The following PDE4D variants were observed in gnomAD, a reference collection of about 807,000 sequenced individuals.
PDE4D encodes the protein 3',5'-cyclic-AMP phosphodiesterase 4D.
Under a neutral mutation model 87.4 loss-of-function variants are expected in PDE4D, and 24 were observed. The ratio of observed to expected loss-of-function variants is 0.27; its 90% CI spans 0.20 to 0.39. The LOEUF (loss-of-function observed/expected upper bound fraction) is 0.39, where lower values mean the gene tolerates loss of function less well. Among genes scored for constraint, PDE4D ranks in the 10% least tolerant of loss-of-function variants. The pLI, the probability that PDE4D is intolerant of heterozygous loss-of-function variation, is 1.00. For missense variants in PDE4D, 714 were observed against 1,041.0 expected (o/e 0.69, Z 4.32); for synonymous variants, 384 against 383.2 (o/e 1.00, Z -0.02).
At chr5:59,336,805 A>T (rs1406016267) in intron 1 of PDE4D, among the ~76,000 whole-genome samples, 6 of 152,196 alleles carry the variant, frequency 3.9e-5, no homozygotes, top group African/African-American at 1.2e-4. Context: ...ATCTTCCAAG[A>T]CCCAGCCTTA....
At chr5:60,418,889 A>G (rs933855239) in intron 1 of PDE4D, among the ~76,000 whole-genome samples, 2 of 152,162 alleles carry the variant, frequency 1.3e-5, no homozygotes, top group African/African-American at 4.8e-5. Flanking sequence ...TGTTATAACA[A>G]GAAACTTGTA....
At chr5:59,516,854 G>C (rs1377479038) in intron 1 of PDE4D, among the ~76,000 whole-genome samples, 2 of 151,870 alleles carry the variant, frequency 1.3e-5, no homozygotes, top group Non-Finnish European at 2.9e-5. Context: ...AAAAACACGA[G>C]AGCTTTTATA....
intron 1 of PDE4D, among the ~76,000 whole-genome samples, chr5:59,707,859 T>C (rs1233503011): frequency 2.6e-5 from 4 of 152,302 alleles, no homozygotes; most frequent in South Asian, 2.1e-4. Context: ...CAGTCTATCA[T>C]TGATGGGCAT....
chr5:58,982,681 T>C (rs1395174729), intron 11 of PDE4D, among the ~76,000 whole-genome samples: 1 of 152,154 alleles, frequency 6.6e-6, no homozygotes, highest in Admixed American at 6.5e-5. Flanking sequence ...TGCTGGTGGA[T>C]TGCGCACTTA....
intron 1 of PDE4D, among the ~76,000 whole-genome samples, chr5:60,307,580 T>C (rs1754617200): frequency 6.6e-6 from 1 of 152,048 alleles, no homozygotes; most frequent in South Asian, 2.1e-4. Context: ...GAAAGTGAAA[T>C]GGCCCATAGA....
At chr5:60,325,126 CA>C (rs1181120413) in intron 1 of PDE4D, among the ~76,000 whole-genome samples, 2 of 152,206 alleles carry the variant, frequency 1.3e-5, no homozygotes, top group Non-Finnish European at 2.9e-5. Flanking sequence ...CCAAAATTCT[CA>C]ATCACTTTAT....
chr5:59,597,418 A>G (rs1192452399), intron 1 of PDE4D, among the ~76,000 whole-genome samples: 3 of 152,132 alleles, frequency 2.0e-5, no homozygotes, highest in Non-Finnish European at 4.4e-5. Context: ...ACTGACATCT[A>G]TTACACTTCC....
At chr5:59,599,586 G>C (rs1228092835) in intron 1 of PDE4D, among the ~76,000 whole-genome samples, 1 of 152,106 alleles carries the variant, frequency 6.6e-6, no homozygotes, top group Non-Finnish European at 1.5e-5. Context: ...TCTGGGTACT[G>C]TTAGGCAATA....
In PDE4D at chr5:59,583,930, G is replaced by C. The variant is rs868647985; in HGVS notation, c.455+309238C>G. Among the ~76,000 whole-genome samples the C allele has an allele frequency of 5.9e-5, 9 of 152,312 alleles. 1 individual carries two copies. The South Asian group carries it at 6.2e-4, about 11-fold the overall frequency. Reference sequence around the variant, plus strand: ...ACAGAGCCTTTCTAGAGATGAGCTAGGGCTCGTGAAACCAAAGCACATATG... The same window carrying C: ...ACAGAGCCTTTCTAGAGATGAGCTACGGCTCGTGAAACCAAAGCACATATG... On this transcript the variant is annotated intron_variant, in intron 1 of 14. Coordinates refer to ENST00000340635, the MANE Select transcript of PDE4D (RefSeq NM_001104631.2).
At chr5:60,144,823 T>C (rs1168210111) in intron 2 of PDE4D, among the ~76,000 whole-genome samples, 1 of 152,150 alleles carries the variant, frequency 6.6e-6, no homozygotes, top group Admixed American at 6.5e-5. Flanking sequence ...CCAATTGCCA[T>C]CCAGTGCACA....
intron 3 of PDE4D, among the ~76,000 whole-genome samples, chr5:59,984,933 G>A (rs1048658909): frequency 6.6e-6 from 1 of 151,934 alleles, no homozygotes; most frequent in South Asian, 2.1e-4. Context: ...AATTGCTAAG[G>A]TATGGTCTCA....
chr5:60,451,734 T>C (rs201104666), intron 1 of PDE4D, among the ~76,000 whole-genome samples: 1 of 152,078 alleles, frequency 6.6e-6, no homozygotes, highest in Non-Finnish European at 1.5e-5. Flanking sequence ...CCTACTTCCA[T>C]GGGACCCTCT....
chr5:60,077,987 A>G (rs536026944), intron 2 of PDE4D, among the ~76,000 whole-genome samples: 9 of 151,924 alleles, frequency 5.9e-5, no homozygotes, highest in Non-Finnish European at 2.9e-5. Context: ...TCTTCCCTCT[A>G]TCTGCCCTCA....
chr5:60,018,261 A>C (rs911282436), intron 2 of PDE4D, among the ~76,000 whole-genome samples: 9 of 152,174 alleles, frequency 5.9e-5, no homozygotes, highest in Admixed American at 6.5e-5. Flanking sequence ...TAAGCAAAGG[A>C]GAAATAAAAT....
intron 2 of PDE4D, among the ~76,000 whole-genome samples, chr5:59,989,568 A>T (rs1762807554): frequency 6.6e-6 from 1 of 152,116 alleles, no homozygotes; most frequent in African/African-American, 2.4e-5. Flanking sequence ...GGTAGTAAGA[A>T]AAAAAAGACT....
intron 1 of PDE4D, among the ~76,000 whole-genome samples, chr5:59,595,281 T>G (rs758745528): frequency 3.7e-4 from 56 of 152,212 alleles, no homozygotes; most frequent in Admixed American, 1.6e-3. Context: ...TCATTTTAAC[T>G]AGATTCAATA....
chr5:59,300,925 C>T (rs947624142), intron 1 of PDE4D, among the ~76,000 whole-genome samples: 2 of 152,084 alleles, frequency 1.3e-5, no homozygotes, highest in Admixed American at 1.3e-4. Flanking sequence ...CCCAGGGGAA[C>T]ACTTACTTAT....
At chr5:58,978,905 C>T (rs1268851366) in intron 11 of PDE4D, among the ~76,000 whole-genome samples, 1 of 151,996 alleles carries the variant, frequency 6.6e-6, no homozygotes, top group Non-Finnish European at 1.5e-5. Flanking sequence ...GTTCTTAGCA[C>T]ATATTATTGT....
intron 2 of PDE4D, among the ~76,000 whole-genome samples, chr5:60,160,141 T>C (rs71627990): frequency 2.0e-5 from 3 of 152,184 alleles, no homozygotes; most frequent in Admixed American, 6.5e-5. Flanking sequence ...TATTTTCACT[T>C]TCTTATGATT....
Sources: gnomAD v4.1 joint callset for allele counts (sites outside exome capture counted in the v4.1 genomes callset) on GRCh38, gnomAD v4.1.1 for gene constraint, MANE v1.5 for transcripts, NCBI Gene and HGNC (gene_info 2026-07-23, HGNC 2026-07-21) for gene names.